Variants in MICU1 observed in about 807,000 individuals in gnomAD.
MICU1 encodes the protein calcium uptake protein 1, mitochondrial.
In MICU1, 45 loss-of-function variants were observed where a neutral mutation model predicts 56.8. The ratio of observed to expected loss-of-function variants is 0.79; its 90% confidence interval spans 0.62 to 1.02. MICU1 has a LOEUF of 1.02. MICU1 is among the 50% of genes least tolerant of loss of function. The pLI, the probability that MICU1 is intolerant of heterozygous loss-of-function variation, is 0.00. For missense variants in MICU1, 504 were observed against 587.1 expected, an observed-to-expected ratio of 0.86 and a Z score of 1.46; for synonymous variants, 186 against 195.1, an observed-to-expected ratio of 0.95 and a Z score of 0.39.
Position 72,477,160 on chromosome 10 carries a change from C to T in MICU1, c.735+14G>A, listed in dbSNP as rs1465371247. 5.2e-6 allele frequency: 8 copies of T among 1,530,678 alleles called. No homozygotes were observed. In the Admixed American group the frequency reaches 1.4e-4, roughly 28 times the overall value. 94.8% of individuals were successfully genotyped at this position (1,530,678 alleles called of 1,614,324 possible). A position where few individuals can be genotyped will look rare whatever the true frequency, so the allele number is the denominator to read the frequency against. On this transcript the variant is annotated intron_variant, in intron 7 of 11. Transcript: ENST00000361114. ...ATATTAATGTATTTAGAGGAACTCT[C>T]CAGGACAACTTGCCTGTTCAAATTC...
chr10:72,548,272 TA>T (rs916876987), intron 4 of MICU1, among the ~76,000 whole-genome samples: 7 of 150,978 alleles, frequency 4.6e-5, no homozygotes, highest in Non-Finnish European at 8.9e-5. Context: ...TAAATGGCAA[TA>T]AAAAAAATGA....
At chr10:72,542,546 T>C (rs752437965) in intron 4 of MICU1, among the ~76,000 whole-genome samples, 1 of 152,116 alleles carries the variant, frequency 6.6e-6, no homozygotes, top group East Asian at 1.9e-4. Context: ...TGCTTTTGGG[T>C]GCCAGCAGGA....
At chr10:72,540,455 C>G (rs1269886146) in intron 4 of MICU1, among the ~76,000 whole-genome samples, 1 of 151,842 alleles carries the variant, frequency 6.6e-6, no homozygotes, top group Non-Finnish European at 1.5e-5. Context: ...GGGAAGATCA[C>G]TTGAGGCCAA....
At chr10:72,582,164 G>A (rs1232381166) in intron 1 of MICU1, among the ~76,000 whole-genome samples, 1 of 152,134 alleles carries the variant, frequency 6.6e-6, no homozygotes, top group Non-Finnish European at 1.5e-5. Context: ...ACTGACGTCA[G>A]ATGACCCGCC....
intron 8 of MICU1, chr10:72,473,351 T>C (rs1490169516): frequency 6.6e-6 from 1 of 152,220 alleles, no homozygotes; most frequent in Non-Finnish European, 1.5e-5. Context: ...AGTTCAAACA[T>C]AAACAATAAC....
At chr10:72,601,706 T>C (rs1841540629) in intron 1 of MICU1, among the ~76,000 whole-genome samples, 4 of 152,016 alleles carry the variant, frequency 2.6e-5, no homozygotes, top group Admixed American at 2.6e-4. Flanking sequence ...AAAGCGTGTG[T>C]ATTAATATGC....
intron 8 of MICU1, among the ~76,000 whole-genome samples, chr10:72,463,189 G>A (rs1026379605): frequency 5.9e-5 from 9 of 151,764 alleles, no homozygotes; most frequent in Non-Finnish European, 8.8e-5. Context: ...TCAGCCTCCC[G>A]AGTAGCTGGG....
chr10:72,382,840 C>T (rs1862762125), intron 10 of MICU1, among the ~76,000 whole-genome samples: 2 of 152,182 alleles, frequency 1.3e-5, no homozygotes, highest in Non-Finnish European at 2.9e-5. Flanking sequence ...ACCCGGGAGG[C>T]GGAGGCTGCA....
intron 6 of MICU1, among the ~76,000 whole-genome samples, chr10:72,502,191 G>A (rs1392006167): frequency 7.4e-6 from 1 of 134,702 alleles, no homozygotes; most frequent in Admixed American, 8.3e-5. Flanking sequence ...GTCTCGCTCT[G>A]TCTTCCAGGC....
intron 5 of MICU1, among the ~76,000 whole-genome samples, chr10:72,512,868 G>A (rs1289320051): frequency 6.6e-6 from 1 of 151,860 alleles, no homozygotes; most frequent in Non-Finnish European, 1.5e-5. Context: ...CCATGCTCGG[G>A]TAATTTTTGT....
chr10:72,497,076 T>C (rs945942432), intron 6 of MICU1, among the ~76,000 whole-genome samples: 6 of 152,134 alleles, frequency 3.9e-5, no homozygotes, highest in East Asian at 1.9e-4. Context: ...TTTTTTTTTT[T>C]TGAGATGGAG....
chr10:72,599,699 T>TA (rs1841473269), intron 1 of MICU1, among the ~76,000 whole-genome samples: 1 of 152,128 alleles, frequency 6.6e-6, no homozygotes, highest in East Asian at 1.9e-4. Flanking sequence ...CTTCCTTCCT[T>TA]ACTTCCTGCC....
At chr10:72,554,444 G>A (rs1161940042) in intron 3 of MICU1, among the ~76,000 whole-genome samples, 1 of 152,180 alleles carries the variant, frequency 6.6e-6, no homozygotes, top group African/African-American at 2.4e-5. Context: ...AGGTAATATA[G>A]AGAAAAGAGA....
chr10:72,477,566 ATAT>A, intron 6 of MICU1: 1 of 1,534,100 alleles, frequency 6.5e-7, no homozygotes, highest in South Asian at 1.2e-5. Context: ...TAGCTTAGTA[ATAT>A]TAACGTTCTG....
At chr10:72,565,245 T>G (rs554773547) in intron 2 of MICU1, among the ~76,000 whole-genome samples, 3 of 151,812 alleles carry the variant, frequency 2.0e-5, no homozygotes, top group Non-Finnish European at 4.4e-5. Context: ...AACCCAAATG[T>G]CCAACAATGA....
intron 1 of MICU1, among the ~76,000 whole-genome samples, chr10:72,586,017 T>TC (rs1841047174): frequency 7.7e-6 from 1 of 130,056 alleles, no homozygotes. Context: ...TTTTTTCTTT[T>TC]TTTTTTTTTT....
chr10:72,521,955 T>C (rs909769606), intron 5 of MICU1, among the ~76,000 whole-genome samples: 1 of 152,124 alleles, frequency 6.6e-6, no homozygotes, highest in Admixed American at 6.6e-5. Flanking sequence ...TAATGTTCTT[T>C]ATAATTTTTA....
At chr10:72,448,245 G>T (rs1448060668) in intron 8 of MICU1, among the ~76,000 whole-genome samples, 1 of 130,618 alleles carries the variant, frequency 7.7e-6, no homozygotes, top group East Asian at 2.2e-4. Context: ...TCTTGCCGAG[G>T]CTCACTGCAA....
At chr10:72,548,021 G>A (rs1360260572) in intron 4 of MICU1, among the ~76,000 whole-genome samples, 3 of 152,240 alleles carry the variant, frequency 2.0e-5, no homozygotes, top group African/African-American at 7.2e-5. Flanking sequence ...ATTCTCAGCA[G>A]TAAGTGTTAA....
Sources: allele counts gnomAD v4.1 joint callset (sites outside exome capture counted in the v4.1 genomes callset), GRCh38; gene constraint gnomAD v4.1.1; transcripts MANE v1.5; gene names NCBI Gene and HGNC (gene_info 2026-07-23, HGNC 2026-07-21).